Variants in ZBTB2 observed in about 807,000 individuals in gnomAD.
The protein encoded by ZBTB2 is zinc finger and BTB domain containing 2.
A neutral mutation model predicts 39.5 loss-of-function variants in ZBTB2; 2 were observed. That is an observed-to-expected ratio of 0.05 (90% CI 0.02 to 0.16). The LOEUF (loss-of-function observed/expected upper bound fraction) is 0.16, where lower values mean the gene tolerates loss of function less well. Among genes scored for constraint, ZBTB2 ranks in the 10% least tolerant of loss-of-function variants. The pLI, the probability that ZBTB2 is intolerant of heterozygous loss-of-function variation, is 1.00. For synonymous variants in ZBTB2, 251 were observed against 256.6 expected (o/e 0.98, Z 0.21); for missense variants, 391 against 653.0 (o/e 0.60, Z 4.37).
chr6:151,381,437 C>T (rs1020754675), intron 1 of ZBTB2, among the ~76,000 whole-genome samples: 3 of 152,028 alleles, frequency 2.0e-5, no homozygotes, highest in Non-Finnish European at 4.4e-5. Flanking sequence ...AGAAGAATCA[C>T]TTAAACTTGG....
At chr6:151,377,402 CT>C (rs1269156169) in intron 1 of ZBTB2, among the ~76,000 whole-genome samples, 1 of 147,662 alleles carries the variant, frequency 6.8e-6, no homozygotes, top group African/African-American at 2.6e-5. Context: ...GAGTTTCGCT[CT>C]TGTTGCCCAG....
rs910703088 is a variant in ZBTB2, at chr6:151,391,533, T to TGCC, written c.-129_-127dup. 12 of 149,064 alleles carry TGCC rather than the reference T, an allele frequency of 8.1e-5. No homozygotes were observed. The highest frequency in any genetic ancestry group is 2.7e-4 in the Admixed American group (4 of 14,644). The allele number at this position is 149,064 out of a possible 1,614,324, so 9.2% of individuals were successfully genotyped here. A position where few individuals can be genotyped will look rare whatever the true frequency, so the allele number is the denominator to read the frequency against. On this transcript the variant is annotated 5_prime_UTR_variant, in exon 1 of 3. Transcript: ENST00000325144. ...TGCCTCTCGCTGCTGCTGCTGCTGC[T>TGCC]GCCGCCGCGGTCGGTGTCTCCGGCG...
At chr6:151,377,494 G>C (rs1778940031) in intron 1 of ZBTB2, among the ~76,000 whole-genome samples, 2 of 145,636 alleles carry the variant, frequency 1.4e-5, no homozygotes, top group South Asian at 4.3e-4. Flanking sequence ...TCAGCCTCCT[G>C]AGTAGCTGGG....
At chr6:151,377,089 T>C (rs1186666298) in intron 1 of ZBTB2, among the ~76,000 whole-genome samples, 1 of 150,614 alleles carries the variant, frequency 6.6e-6, no homozygotes, top group African/African-American at 2.4e-5. Flanking sequence ...CAAAATATCA[T>C]ATACTGTATG....
intron 2 of ZBTB2, among the ~76,000 whole-genome samples, chr6:151,371,382 CT>C (rs1778785887): frequency 6.6e-6 from 1 of 152,202 alleles, no homozygotes; most frequent in Non-Finnish European, 1.5e-5. Context: ...CACATATGCA[CT>C]CTTATAAAGG....
At position 151,366,196 on chromosome 6, in the gene ZBTB2, G is replaced by A. The variant is rs199606427; in HGVS notation, c.870C>T (p.Arg290=). ...PFTSSQQGES[R]VPLTLCSNAA... ...CATTGCTACAGAGAGTCAGGGGGAC[G>A]CGACTTTCTCCCTGTTGGCTAGATG... is the stretch of plus-strand genomic sequence containing the variant. Residue 290 remains arginine (R), a synonymous_variant, in exon 3 of 3, where the codon CGC becomes CGT. Transcript: ENST00000325144. This position sits in a 1 kb window ranked among gnomAD's most constrained non-coding sequence, Gnocchi z 7.1. 17 of 1,614,146 alleles carry A rather than the reference G, an allele frequency of 1.1e-5. No homozygotes were observed. Among genetic ancestry groups the A allele is most frequent in the Middle Eastern group, 1.6e-4 (1 of 6,062 alleles).
At chr6:151,370,743 T>G (rs1357475456) in intron 2 of ZBTB2, among the ~76,000 whole-genome samples, 1 of 152,190 alleles carries the variant, frequency 6.6e-6, no homozygotes, top group Non-Finnish European at 1.5e-5. Flanking sequence ...CAGCAGTGTG[T>G]CATGCCCCAC....
chr6:151,387,765 G>A (rs142833486), intron 1 of ZBTB2, among the ~76,000 whole-genome samples: 1 of 152,300 alleles, frequency 6.6e-6, no homozygotes, highest in Non-Finnish European at 1.5e-5. Context: ...GGCATGTGAT[G>A]CATACCTCAA....
chr6:151,383,785 C>G (rs1745087496), intron 1 of ZBTB2, among the ~76,000 whole-genome samples: 1 of 151,906 alleles, frequency 6.6e-6, no homozygotes, highest in Admixed American at 6.6e-5. Context: ...ACACACATAC[C>G]CCTGCCCCTG....
At chr6:151,390,718 CAG>C (rs1368198498) in intron 1 of ZBTB2, among the ~76,000 whole-genome samples, 4 of 151,792 alleles carry the variant, frequency 2.6e-5, no homozygotes, top group South Asian at 4.1e-4. Context: ...GGAGAAGCGC[CAG>C]AGAGGCCGGG....
chr6:151,387,988 G>C (rs1178093007), intron 1 of ZBTB2, among the ~76,000 whole-genome samples: 2 of 151,800 alleles, frequency 1.3e-5, no homozygotes, highest in African/African-American at 4.8e-5. Context: ...AGTTTAATTT[G>C]CTAGCACAAA....
At chr6:151,367,940 T>C (rs1778685536) in intron 2 of ZBTB2, among the ~76,000 whole-genome samples, 1 of 152,244 alleles carries the variant, frequency 6.6e-6, no homozygotes, top group Non-Finnish European at 1.5e-5. Context: ...TAAAGCATCA[T>C]TAGAAATTAG....
chr6:151,378,086 T>C (rs1325136003), intron 1 of ZBTB2: 1 of 152,210 alleles, frequency 6.6e-6, no homozygotes, highest in African/African-American at 2.4e-5. Context: ...TAACTCACTA[T>C]CTTCGCACCA....
At chr6:151,385,371 T>C (rs1266089009) in intron 1 of ZBTB2, among the ~76,000 whole-genome samples, 3 of 152,250 alleles carry the variant, frequency 2.0e-5, no homozygotes, top group Admixed American at 6.5e-5. Context: ...TAGCTGTCAC[T>C]TGCTTTCAGT....
intron 1 of ZBTB2, among the ~76,000 whole-genome samples, chr6:151,381,632 G>A (rs1779037113): frequency 6.6e-6 from 1 of 152,122 alleles, no homozygotes; most frequent in Admixed American, 6.5e-5. Context: ...CCTCTTCCAG[G>A]GTCCTGCACC....
At chr6:151,373,867 A>AAAAAC (rs1778841722) in intron 1 of ZBTB2, among the ~76,000 whole-genome samples, 1 of 149,016 alleles carries the variant, frequency 6.7e-6, no homozygotes, top group African/African-American at 2.5e-5. Context: ...AAAAAAAAAA[A>AAAAAC]AAAAAAAAAA....
intron 2 of ZBTB2, among the ~76,000 whole-genome samples, chr6:151,372,292 C>A (rs1778804022): frequency 6.6e-6 from 1 of 152,142 alleles, no homozygotes; most frequent in Admixed American, 6.5e-5. Context: ...GAGGGGTGAC[C>A]TTTGAGAAAA....
intron 2 of ZBTB2, among the ~76,000 whole-genome samples, chr6:151,373,126 GC>G (rs1181230945): frequency 8.7e-6 from 1 of 115,074 alleles, no homozygotes; most frequent in African/African-American, 3.3e-5. Flanking sequence ...CTGCACTCCA[GC>G]CTAGGCGACA....
chr6:151,370,813 G>A (rs920159757), intron 2 of ZBTB2, among the ~76,000 whole-genome samples: 2 of 152,190 alleles, frequency 1.3e-5, no homozygotes, highest in Admixed American at 6.5e-5. Flanking sequence ...GCCTTGCCTC[G>A]AGGAGCTTGA....
Sources: gnomAD v4.1 joint callset for allele counts (sites outside exome capture counted in the v4.1 genomes callset) on GRCh38, gnomAD v4.1.1 for gene constraint, Gnocchi (gnomAD v3.1) non-coding constraint, MANE v1.5 for transcripts, NCBI Gene and HGNC (gene_info 2026-07-23, HGNC 2026-07-21) for gene names.